Variants in HPS1 observed in about 807,000 individuals in gnomAD.
HPS1 encodes the protein HPS1 biogenesis of lysosomal organelles complex 3 subunit 1.
In HPS1, 59 loss-of-function variants were observed where a neutral mutation model predicts 90.6. The ratio of observed to expected loss-of-function variants is 0.65; its 90% confidence interval spans 0.53 to 0.81. The LOEUF (loss-of-function observed/expected upper bound fraction) is 0.81. Ranked by LOEUF, HPS1 falls within the 30% of genes least tolerant of loss-of-function variation. HPS1 has a pLI of 0.00. For missense variants in HPS1, 849 were observed against 896.7 expected, an observed-to-expected ratio of 0.95 and a Z score of 0.68; for synonymous variants, 388 against 384.4, an observed-to-expected ratio of 1.01 and a Z score of -0.11.
chr10:98,432,791 A>T (rs1846670190), intron 6 of HPS1, among the ~76,000 whole-genome samples: 1 of 151,904 alleles, frequency 6.6e-6, no homozygotes. Flanking sequence ...CCTGACTCTC[A>T]CTCGTGGTGG....
In HPS1 at chr10:98,417,446, G is replaced by A; in HGVS notation, c.*118C>T. The A allele has an allele frequency of 1.1e-6, 1 of 894,720 alleles. No homozygotes were observed. Among genetic ancestry groups the A allele is most frequent in the Non-Finnish European group, 1.7e-6 (1 of 593,066 alleles). 55.4% of individuals were successfully genotyped at this position (894,720 alleles called of 1,614,324 possible). A position where few individuals can be genotyped will look rare whatever the true frequency, so the allele number is the denominator to read the frequency against. On this transcript the variant is annotated 3_prime_UTR_variant, in exon 20 of 20. Transcript: ENST00000361490. The surrounding 1 kb of genome is among the most constrained non-coding windows in gnomAD (Gnocchi z 4.2). ...TTTAGAAGCCCTGGGGCCACCCTGGGCACTCTGCCCTATCCTCAGGATGGC... is the reference window on the plus strand; with the variant it reads ...TTTAGAAGCCCTGGGGCCACCCTGGACACTCTGCCCTATCCTCAGGATGGC...
At position 98,416,753 on chromosome 10, in the gene HPS1, TC is replaced by T. The variant is rs1233924685; in HGVS notation, c.*810del. The T allele has an allele frequency of 6.6e-6, 1 of 152,216 alleles. No homozygotes were observed. The highest frequency in any genetic ancestry group is 2.4e-5 in the African/African-American group (1 of 41,416). 9.4% of individuals were successfully genotyped at this position (152,216 alleles called of 1,614,324 possible). A position where few individuals can be genotyped will look rare whatever the true frequency, so the allele number is the denominator to read the frequency against. On this transcript the variant is annotated 3_prime_UTR_variant, in exon 20 of 20. Coordinates refer to ENST00000361490, the MANE Select transcript of HPS1 (RefSeq NM_000195.5). ...GCTCTCAGGGTCTCTTGTCCCTGGGTCCATTCTGGGACAGGAACTTCTCGGT... is the reference window on the plus strand; with the variant it reads ...GCTCTCAGGGTCTCTTGTCCCTGGGTCATTCTGGGACAGGAACTTCTCGGT...
At chr10:98,419,573 G>C (rs1564826973) in intron 18 of HPS1, among the ~76,000 whole-genome samples, 1 of 152,308 alleles carries the variant, frequency 6.6e-6, no homozygotes, top group East Asian at 1.9e-4. Context: ...AAGCAGTGCA[G>C]GGCCTGGAGG....
In HPS1 at chr10:98,443,378, A is replaced by AT. The variant is rs1564875907; in HGVS notation, c.1-139dup. ...ACACCAGGCATCACAAGGGACTTCC[A>AT]TTTTTGTTGCACCCTCACAACTGGA... On this transcript the variant is annotated intron_variant, in intron 2 of 19. Coordinates refer to ENST00000361490, the MANE Select transcript of HPS1 (RefSeq NM_000195.5). The AT allele has an allele frequency of 7.8e-6, 6 of 768,884 alleles. No individual in the cohort carries two copies. In the East Asian group the frequency reaches 1.5e-4, roughly 19 times the overall value. 47.6% of individuals were successfully genotyped at this position (768,884 alleles called of 1,614,324 possible).
At chr10:98,415,883 AATCCCCAAGG>A (rs1175607507), downstream of HPS1, among the ~76,000 whole-genome samples, 9 of 152,338 alleles carry the variant, frequency 5.9e-5, no homozygotes, top group South Asian at 8.3e-4. Context: ...ATTTTCCAAG[AATCCCCAAGG>A]ATTCGAGGTC....
intron 3 of HPS1, among the ~76,000 whole-genome samples, chr10:98,439,928 A>G (rs1379185699): frequency 6.6e-6 from 1 of 152,100 alleles, no homozygotes; most frequent in Non-Finnish European, 1.5e-5. Context: ...TTCTTGTGAC[A>G]GTGAGTTCTC....
In HPS1 at chr10:98,417,754, A is replaced by G; in HGVS notation, c.1941-28T>C. 6.2e-7 allele frequency: 1 copy of G among 1,610,978 alleles called. No individual in the cohort carries two copies. Among genetic ancestry groups the G allele is most frequent in the Non-Finnish European group, 8.5e-7 (1 of 1,177,718 alleles). ...GGGGAGGAAGGGGAGGATGGGATTC[A>G]GGAGTGAGGCTGTGGCACTCCTCCA... On this transcript the variant is annotated intron_variant, in intron 19 of 19. Transcript: ENST00000361490. The surrounding 1 kb of genome is among the most constrained non-coding windows in gnomAD (Gnocchi z 4.2).
Position 98,420,163 on chromosome 10 carries a change from G to T in HPS1, c.1744-5C>A. On this transcript the variant is annotated splice_polypyrimidine_tract_variant and splice_region_variant and intron_variant, in intron 17 of 19. Coordinates refer to ENST00000361490, the MANE Select transcript of HPS1 (RefSeq NM_000195.5). ...CAGCTGGATCAGAGACCAGACCTGG[G>T]GAAAAGACAGCAAGCATCACCACTC... The T allele has an allele frequency of 6.2e-7, 1 of 1,600,454 alleles. No individual in the cohort carries two copies.
Position 98,427,252 on chromosome 10 carries a change from C to T in HPS1, c.950G>A (p.Trp317Ter). ...PGDQSSGSTI[W>*]LEGGTPPMDA... ...CATGGGGGGGGTGCCCCCCTCCAGC[C>T]AGATGGTGCTACCTGCAGGCCACAG... The change falls in exon 11 of 20, where the codon TGG becomes TAG. Residue 317 changes from tryptophan (W) to a stop codon, truncating the protein, a stop_gained. Coordinates refer to ENST00000361490, the MANE Select transcript of HPS1 (RefSeq NM_000195.5). LOFTEE classifies it high-confidence loss of function. The T allele has an allele frequency of 1.3e-6, 2 of 1,551,388 alleles. No homozygotes were observed. Among genetic ancestry groups the T allele is most frequent in the Non-Finnish European group, 8.7e-7 (1 of 1,146,808 alleles).
At chr10:98,446,309 G>T (rs1027963127) in intron 1 of HPS1, among the ~76,000 whole-genome samples, 1 of 152,322 alleles carries the variant, frequency 6.6e-6, no homozygotes, top group South Asian at 2.1e-4. Flanking sequence ...AACCTCGCCG[G>T]TGTCACACTG....
chr10:98,416,368 T>G lies in HPS1; in HGVS notation c.*1196A>C, dbSNP rs1410642359. ...GCTCAGGGGATTGGAGTTTTTTCCT[T>G]TATGTTTTTCTGTATTTTCCACAAT... On this transcript the variant is annotated 3_prime_UTR_variant, in exon 20 of 20. Coordinates refer to ENST00000361490, the MANE Select transcript of HPS1 (RefSeq NM_000195.5). 6.6e-6 allele frequency: 1 copy of G among 152,308 alleles called. No homozygotes were observed. The highest frequency in any genetic ancestry group is 1.9e-4 in the East Asian group (1 of 5,316). The allele number at this position is 152,308 out of a possible 1,614,324, so 9.4% of individuals were successfully genotyped here.
chr10:98,431,041 C>T, intron 7 of HPS1, 90 bp downstream of exon 7: 2 of 1,369,208 alleles, frequency 1.5e-6, no homozygotes, highest in East Asian at 4.9e-5. Flanking sequence ...TGATTCTTGG[C>T]TGGGCAGGTG....
chr10:98,414,863 G>A, downstream of HPS1: 3 of 1,242,114 alleles, frequency 2.4e-6, no homozygotes, highest in Non-Finnish European at 3.3e-6. Context: ...TTCCATTGCA[G>A]CCCCTGCTAG....
chr10:98,429,923 T>G, intron 8 of HPS1, 34 bp from the exon 9 acceptor site: 1 of 1,577,814 alleles, frequency 6.3e-7, no homozygotes, highest in Non-Finnish European at 8.6e-7. Flanking sequence ...GGTTAGCTCC[T>G]ATCTGACCTG....
intron 8 of HPS1, 125 bp downstream of exon 8, chr10:98,430,446 A>G: frequency 1.3e-6 from 1 of 755,544 alleles, no homozygotes; most frequent in Non-Finnish European, 2.3e-6. Context: ...ACGCCCAACC[A>G]CACACCCAGA....
At chr10:98,433,512 C>T (rs928668707) in intron 6 of HPS1, among the ~76,000 whole-genome samples, 1 of 152,140 alleles carries the variant, frequency 6.6e-6, no homozygotes, top group Admixed American at 6.5e-5. Context: ...GCCACTTTAA[C>T]TTTTTGGGGC....
chr10:98,441,157 G>GT (rs36110470), intron 3 of HPS1, among the ~76,000 whole-genome samples: 4,422 of 152,252 alleles, frequency 0.029, 105 homozygotes, highest in Non-Finnish European at 0.044. Context: ...CTGCAGAAAT[G>GT]TAAGAACACC....
chr10:98,415,328 G>A (rs960566220), downstream of HPS1: 1 of 700,766 alleles, frequency 1.4e-6, no homozygotes, highest in South Asian at 2.3e-5. Context: ...GGGCCGTCGG[G>A]AGTGTTGCCT....
rs141441895 is a variant in HPS1, at chr10:98,438,415, G to A, written c.118-2643C>T. Among the ~76,000 whole-genome samples, 7 of 152,346 alleles carry A rather than the reference G, an allele frequency of 4.6e-5. No individual in the cohort carries two copies. In the East Asian group the frequency reaches 1.2e-3, roughly 25 times the overall value. On this transcript the variant is annotated intron_variant, in intron 3 of 19. Coordinates refer to ENST00000361490, the MANE Select transcript of HPS1 (RefSeq NM_000195.5). ...CCAGGCTGAGGTAGTCTCAGATGGA[G>A]ATGAGGAACTTATTTGGAACTGGAA...
Sources: gnomAD v4.1 joint callset for allele counts (sites outside exome capture counted in the v4.1 genomes callset) on GRCh38, gnomAD v4.1.1 for gene constraint, Gnocchi (gnomAD v3.1) non-coding constraint, MANE v1.5 for transcripts, NCBI Gene and HGNC (gene_info 2026-07-23, HGNC 2026-07-21) for gene names.